The following ECT2 variants were observed in gnomAD, a reference collection of about 807,000 sequenced individuals.
ECT2 encodes the protein epithelial cell transforming 2, also known as protein ECT2.
Under a neutral mutation model 116.9 loss-of-function variants are expected in ECT2, and 61 were observed. The observed-to-expected ratio is 0.52, with a 90% CI of 0.42 to 0.65. The LOEUF is 0.65. Among genes scored for constraint, ECT2 ranks in the 30% least tolerant of loss-of-function variants. The pLI is 0.00. For synonymous variants in ECT2, 358 were observed against 346.4 expected (o/e 1.03, Z -0.37); for missense variants, 937 against 1,078.7 (o/e 0.87, Z 1.84).
the ECT2 span, among the ~76,000 whole-genome samples, chr3:172,827,725 T>C: frequency 2.0e-5 from 3 of 152,166 alleles, no homozygotes; most frequent in Non-Finnish European, 4.4e-5. Context: ...GCACAATAGG[T>C]TGACTATAGG....
intron 22 of ECT2, 33 bp from the exon 23 acceptor site, chr3:172,815,571 T>G: frequency 7.3e-7 from 1 of 1,362,882 alleles, no homozygotes; most frequent in South Asian, 1.3e-5. Flanking sequence ...GTTGTGTGTT[T>G]TTAAGATAAC....
chr3:172,813,982 T>G (rs1206951214), intron 22 of ECT2, among the ~76,000 whole-genome samples: 3 of 151,910 alleles, frequency 2.0e-5, no homozygotes, highest in African/African-American at 7.2e-5. Flanking sequence ...AGGAGAGTTA[T>G]GGGTAATTCG....
intron 5 of ECT2, among the ~76,000 whole-genome samples, chr3:172,758,288 A>G (rs969913740): frequency 4.6e-5 from 7 of 152,144 alleles, no homozygotes; most frequent in East Asian, 1.9e-4. Context: ...TTGTACTTCT[A>G]TTGTTACACA....
intron 9 of ECT2, 28 bp downstream of exon 9, chr3:172,762,574 T>G: frequency 2.5e-6 from 4 of 1,582,340 alleles, no homozygotes; most frequent in Non-Finnish European, 3.4e-6. Context: ...GTAAAAGTTA[T>G]ATCTATTTTA....
rs141994114 is a variant in ECT2, at chr3:172,760,090, T to C, written c.577-66T>C. The stretch of plus-strand genomic sequence containing the variant: ...TATTTAGCAAATGCTAAATGTGGGG[T>C]AAACATAGTTTAAAATTTTGTTCAA... On this transcript the variant is annotated intron_variant, in intron 6 of 24. Transcript: ENST00000392692. 4.9e-3 allele frequency: 4,868 copies of C among 1,002,846 alleles called. 22 individuals carry two copies. Among genetic ancestry groups the C allele is most frequent in the Non-Finnish European group, 5.8e-3 (3,945 of 677,306 alleles). 62.1% of individuals were successfully genotyped at this position (1,002,846 alleles called of 1,614,324 possible).
intron 18 of ECT2, among the ~76,000 whole-genome samples, chr3:172,800,338 G>A (rs1726491418): frequency 6.6e-6 from 1 of 152,140 alleles, no homozygotes; most frequent in Admixed American, 6.5e-5. Flanking sequence ...CTATGACTCT[G>A]ACTAGTTTTA....
chr3:172,789,549 T>A (rs1466671083), intron 18 of ECT2, among the ~76,000 whole-genome samples: 1 of 152,168 alleles, frequency 6.6e-6, no homozygotes, highest in Non-Finnish European at 1.5e-5. Flanking sequence ...CCATATCAGT[T>A]GACTTTTCCT....
intron 8 of ECT2, among the ~76,000 whole-genome samples, chr3:172,762,059 C>T (rs1466161539): frequency 6.6e-6 from 1 of 151,986 alleles, no homozygotes; most frequent in Non-Finnish European, 1.5e-5. Flanking sequence ...TTTCCAAGCG[C>T]ATGATTTCTT....
intron 6 of ECT2, 139 bp from the exon 7 acceptor site, chr3:172,760,017 A>G (rs1717906244): frequency 7.6e-6 from 4 of 524,750 alleles, no homozygotes; most frequent in Non-Finnish European, 9.7e-6. Flanking sequence ...TTTGACATAA[A>G]ATTTAATAGC....
At chr3:172,823,036 CAATT>C (rs1199010594), downstream of ECT2, among the ~76,000 whole-genome samples, 2 of 150,480 alleles carry the variant, frequency 1.3e-5, no homozygotes, top group African/African-American at 2.5e-5. Flanking sequence ...TGAGCAAAGT[CAATT>C]AAAAAATTCT....
chr3:172,781,205 A>G (rs1255883185), intron 14 of ECT2, among the ~76,000 whole-genome samples: 1 of 152,196 alleles, frequency 6.6e-6, no homozygotes, highest in Non-Finnish European at 1.5e-5. Context: ...ATAATTTCCC[A>G]AACAAAAATA....
rs1477937683 is a variant in ECT2 at position 172,755,595 on chromosome 3, T to TAG, written c.303+20_303+21insAG. 1.6e-6 allele frequency: 2 copies of TAG among 1,247,882 alleles called. No homozygotes were observed. Among genetic ancestry groups the TAG allele is most frequent in the Non-Finnish European group, 2.2e-6 (2 of 909,268 alleles). 77.3% of individuals were successfully genotyped at this position (1,247,882 alleles called of 1,614,324 possible). ...AATATGGTAGGTCAAAGTAACTCATTGCATGTGGCATGCTGCACTTCCCTT... is the reference window on the plus strand; with the variant it reads ...AATATGGTAGGTCAAAGTAACTCATTAGGCATGTGGCATGCTGCACTTCCCTT... On this transcript the variant is annotated intron_variant, in intron 4 of 24. Transcript: ENST00000392692.
chr3:172,767,441 C>CA (rs376876901), intron 12 of ECT2, among the ~76,000 whole-genome samples: 4 of 151,160 alleles, frequency 2.6e-5, no homozygotes, highest in Non-Finnish European at 5.9e-5. Flanking sequence ...TCTCCATCTC[C>CA]AAAAAAAAGC....
At chr3:172,816,631 A>G in intron 23 of ECT2, 60 bp from the exon 24 acceptor site, 1 of 1,450,442 alleles carries the variant, frequency 6.9e-7, no homozygotes, top group Non-Finnish European at 9.2e-7. Flanking sequence ...TTATGTTTAA[A>G]TATTCTCATC....
intron 4 of ECT2, among the ~76,000 whole-genome samples, chr3:172,756,324 T>C (rs1414452537): frequency 6.6e-6 from 1 of 152,192 alleles, no homozygotes; most frequent in African/African-American, 2.4e-5. Flanking sequence ...TAACACGAGT[T>C]ACAAGAGTTA....
Position 172,807,859 on chromosome 3 carries a change from C to G in ECT2, c.2335C>G (p.Pro779Ala). The change falls in exon 22 of 25, where the codon CCA (proline) becomes GCA (alanine). Residue 779 changes from proline (P) to alanine (A), a missense_variant. Coordinates refer to ENST00000392692, the MANE Select transcript of ECT2 (RefSeq NM_001258315.2). ...LSFQMTSDEL[P>A]KENWLKMLCR... ...TTTCCAGATGACATCAGATGAACTT[C>G]CAAAAGAAAACTGGCTAAAGATGCT... The G allele has an allele frequency of 1.2e-6, 2 of 1,613,864 alleles. No homozygotes were observed. The highest frequency in any genetic ancestry group is 1.1e-5 in the South Asian group (1 of 91,064).
Position 172,786,512 on chromosome 3 carries a change from T to A in ECT2, c.1845T>A (p.Ala615=). The change falls in exon 18 of 25, where the codon GCT becomes GCA. Residue 615 remains alanine (A), a synonymous_variant. Transcript: ENST00000392692. Reference sequence around the variant, plus strand: ...TTACAGATCTTAAGAAGCATACAGCTGATGAAAATCCAGACAAAAGCACTT... The same window carrying A: ...TTACAGATCTTAAGAAGCATACAGCAGATGAAAATCCAGACAAAAGCACTT... The part of the protein sequence containing the change: ...LLLNDLKKHT[A]DENPDKSTLE... The A allele has an allele frequency of 6.2e-7, 1 of 1,610,156 alleles. No homozygotes were observed. Among genetic ancestry groups the A allele is most frequent in the South Asian group, 1.1e-5 (1 of 90,732 alleles).
At chr3:172,784,906 G>A in intron 17 of ECT2, 103 bp downstream of exon 17, 1 of 724,128 alleles carries the variant, frequency 1.4e-6, no homozygotes, top group Non-Finnish European at 2.2e-6. Flanking sequence ...TTAGATTTCA[G>A]CATTAAAGTT....
intron 18 of ECT2, among the ~76,000 whole-genome samples, chr3:172,788,302 A>G (rs1723973094): frequency 6.6e-6 from 1 of 152,226 alleles, no homozygotes; most frequent in African/African-American, 2.4e-5. Context: ...GAATTCTAAC[A>G]ACATCAGTTA....
Sources: gnomAD v4.1 joint callset for allele counts (sites outside exome capture counted in the v4.1 genomes callset) on GRCh38, gnomAD v4.1.1 for gene constraint, MANE v1.5 for transcripts, NCBI Gene and HGNC (gene_info 2026-07-23, HGNC 2026-07-21) for gene names.